RCAN2: variants seen among roughly 807,000 people sequenced by gnomAD.
RCAN2 encodes calcipressin-2.
In RCAN2, 9 loss-of-function variants were observed where a neutral mutation model predicts 23.6. The observed-to-expected ratio is 0.38, with a 90% CI of 0.23 to 0.67. RCAN2 has a LOEUF of 0.67. Ranked by LOEUF, RCAN2 falls within the 30% of genes least tolerant of loss-of-function variation. The pLI is 0.51. For synonymous variants in RCAN2, 109 were observed against 115.7 expected (o/e 0.94, Z 0.37); for missense variants, 273 against 302.3 (o/e 0.90, Z 0.72).
rs545352332 is a variant in RCAN2 at position 46,448,910 on chromosome 6, A to G, written c.225+7842T>C. 2.8e-4 allele frequency among the ~76,000 whole-genome samples: 42 copies of G among 152,010 alleles called. 1 individual carries two copies. In the South Asian group the frequency reaches 4.1e-3, roughly 15 times the overall value. On this transcript the variant is annotated intron_variant, in intron 2 of 4. Coordinates refer to ENST00000371374, the MANE Select transcript of RCAN2 (RefSeq NM_001251974.2). ...AAAAGATGGAAGATTTTCCTCTAAGATTAGAAACAAGACAAGGAAGCCACT... is the reference window on the plus strand; with the variant it reads ...AAAAGATGGAAGATTTTCCTCTAAGGTTAGAAACAAGACAAGGAAGCCACT...
chr6:46,344,759 A>T (rs1764432172), intron 2 of RCAN2, among the ~76,000 whole-genome samples: 1 of 152,072 alleles, frequency 6.6e-6, no homozygotes. Context: ...TACTAAAAAA[A>T]ATGTGTTTAC....
chr6:46,231,231 G>A (rs1322343608), intron 4 of RCAN2, among the ~76,000 whole-genome samples: 1 of 152,118 alleles, frequency 6.6e-6, no homozygotes, highest in African/African-American at 2.4e-5. Flanking sequence ...AATGCCATGT[G>A]AAGACTGAGG....
chr6:46,293,354 A>G (rs1348685823), intron 2 of RCAN2, among the ~76,000 whole-genome samples: 1 of 152,170 alleles, frequency 6.6e-6, no homozygotes, highest in Non-Finnish European at 1.5e-5. Flanking sequence ...CATAATAATA[A>G]ATATTTTTGG....
At chr6:46,270,016 T>G (rs1410531803) in intron 2 of RCAN2, among the ~76,000 whole-genome samples, 1 of 152,122 alleles carries the variant, frequency 6.6e-6, no homozygotes, top group East Asian at 1.9e-4. Flanking sequence ...GCTGAGAACA[T>G]TCAGCTGTCC....
At chr6:46,266,539 C>T (rs1269495115) in intron 2 of RCAN2, among the ~76,000 whole-genome samples, 1 of 152,092 alleles carries the variant, frequency 6.6e-6, no homozygotes, top group Non-Finnish European at 1.5e-5. Flanking sequence ...TAATGTGACC[C>T]CCAATCTGCC....
intron 2 of RCAN2, among the ~76,000 whole-genome samples, chr6:46,442,799 T>C (rs996414324): frequency 1.3e-5 from 2 of 152,232 alleles, no homozygotes; most frequent in African/African-American, 4.8e-5. Context: ...GTGGGACTTT[T>C]AGAGTAGCTT....
intron 2 of RCAN2, among the ~76,000 whole-genome samples, chr6:46,414,643 C>A (rs1766650741): frequency 6.6e-6 from 1 of 152,180 alleles, no homozygotes; most frequent in South Asian, 2.1e-4. Context: ...AGAGAAAAGA[C>A]TAACTTCCCT....
intron 2 of RCAN2, among the ~76,000 whole-genome samples, chr6:46,375,530 T>C (rs1472808789): frequency 1.3e-5 from 2 of 152,226 alleles, no homozygotes; most frequent in Non-Finnish European, 2.9e-5. Context: ...CCTTCTTGAA[T>C]GTGGCCCTAG....
intron 2 of RCAN2, among the ~76,000 whole-genome samples, chr6:46,446,078 A>AGG (rs1767695983): frequency 6.6e-6 from 1 of 152,016 alleles, no homozygotes; most frequent in Non-Finnish European, 1.5e-5. Context: ...GGTCTCCACT[A>AGG]AGATTCAGCC....
intron 2 of RCAN2, among the ~76,000 whole-genome samples, chr6:46,290,179 G>T (rs529982761): frequency 6.6e-6 from 1 of 152,210 alleles, no homozygotes; most frequent in African/African-American, 2.4e-5. Context: ...TGCATCTGTA[G>T]GTGTCTTTCT....
At chr6:46,362,314 A>G (rs1469019264) in intron 2 of RCAN2, among the ~76,000 whole-genome samples, 1 of 152,166 alleles carries the variant, frequency 6.6e-6, no homozygotes, top group Non-Finnish European at 1.5e-5. Flanking sequence ...AAATGAATGA[A>G]TCAGCTAGAA....
intron 4 of RCAN2, among the ~76,000 whole-genome samples, chr6:46,230,883 A>G (rs1248561753): frequency 1.3e-5 from 2 of 152,188 alleles, no homozygotes; most frequent in African/African-American, 4.8e-5. Context: ...CTATCCGGCC[A>G]TCTTGGAACC....
At chr6:46,234,139 T>A (rs1057375821) in intron 4 of RCAN2, among the ~76,000 whole-genome samples, 1 of 152,192 alleles carries the variant, frequency 6.6e-6, no homozygotes. Context: ...GGGAGTCCAC[T>A]CTGTGTGCAG....
At chr6:46,327,343 A>C (rs1763825236) in intron 2 of RCAN2, among the ~76,000 whole-genome samples, 1 of 151,314 alleles carries the variant, frequency 6.6e-6, no homozygotes, top group Non-Finnish European at 1.5e-5. Flanking sequence ...CGGGAAAGAT[A>C]CTGGCAGACA....
At chr6:46,473,836 A>G (rs1411335283) in intron 1 of RCAN2, among the ~76,000 whole-genome samples, 1 of 152,216 alleles carries the variant, frequency 6.6e-6, no homozygotes, top group African/African-American at 2.4e-5. Flanking sequence ...AACTCTCAGG[A>G]AAGGAATGAG....
chr6:46,389,747 T>C (rs980771757), intron 2 of RCAN2, among the ~76,000 whole-genome samples: 1 of 152,214 alleles, frequency 6.6e-6, no homozygotes, highest in Non-Finnish European at 1.5e-5. Flanking sequence ...CGCTTGAGGC[T>C]GCTCAGGACT....
At chr6:46,244,934 A>G (rs985826968) in intron 4 of RCAN2, among the ~76,000 whole-genome samples, 9 of 152,222 alleles carry the variant, frequency 5.9e-5, no homozygotes, top group Admixed American at 5.9e-4. Context: ...GTCCATTTGG[A>G]TATGTGTGCT....
intron 2 of RCAN2, among the ~76,000 whole-genome samples, chr6:46,271,282 T>C (rs1432203240): frequency 6.6e-6 from 1 of 152,198 alleles, no homozygotes; most frequent in Non-Finnish European, 1.5e-5. Flanking sequence ...AGAGGTAAGA[T>C]GAGTTGCAGC....
intron 2 of RCAN2, among the ~76,000 whole-genome samples, chr6:46,352,245 C>T (rs184768648): frequency 2.4e-4 from 36 of 152,110 alleles, no homozygotes; most frequent in Admixed American, 2.0e-3. Context: ...AGTTGATCTA[C>T]GATAATCAAC....
Sources: allele counts gnomAD v4.1 joint callset (sites outside exome capture counted in the v4.1 genomes callset), GRCh38; gene constraint gnomAD v4.1.1; transcripts MANE v1.5; gene names NCBI Gene and HGNC (gene_info 2026-07-23, HGNC 2026-07-21).